HNRNPR: variants seen among roughly 807,000 people sequenced by gnomAD.
The protein encoded by HNRNPR is heterogeneous nuclear ribonucleoprotein R.
In HNRNPR, 4 loss-of-function variants were observed where a neutral mutation model predicts 70.3. That is an observed-to-expected ratio of 0.06 (90% CI 0.03 to 0.13). The LOEUF is 0.13. Among genes scored for constraint, HNRNPR ranks in the 10% least tolerant of loss-of-function variants. The pLI is 1.00. For missense variants in HNRNPR, 423 were observed against 788.5 expected (o/e 0.54, Z 5.55); for synonymous variants, 241 against 267.6 (o/e 0.90, Z 0.97).
Position 23,337,700 on chromosome 1 carries a change from T to A in HNRNPR, c.384+54A>T, listed in dbSNP as rs904152632. The A allele has an allele frequency of 4.8e-6, 5 of 1,031,636 alleles. No homozygotes were observed. In the African/African-American group the frequency reaches 8.3e-5, roughly 17 times the overall value. The allele number at this position is 1,031,636 out of a possible 1,614,324, so 63.9% of individuals were successfully genotyped here. A position where few individuals can be genotyped will look rare whatever the true frequency, so the allele number is the denominator to read the frequency against. ...TTTCTAGGAAACATGGAAAGAGGCA[T>A]TTGACCTCATCATTAAATGCAATTT... On this transcript the variant is annotated intron_variant, in intron 4 of 10. Coordinates refer to ENST00000302271, the MANE Select transcript of HNRNPR (RefSeq NM_005826.5).
intron 4 of HNRNPR, among the ~76,000 whole-genome samples, 193 bp downstream of exon 4, chr1:23,337,561 G>A (rs779537123): frequency 1.3e-5 from 2 of 151,574 alleles, no homozygotes; most frequent in Non-Finnish European, 2.9e-5. Context: ...GGAGGCTGAG[G>A]CAGGAGAATG....
At chr1:23,331,089 G>T (rs1646201786) in intron 5 of HNRNPR, among the ~76,000 whole-genome samples, 2 of 152,174 alleles carry the variant, frequency 1.3e-5, no homozygotes, top group Non-Finnish European at 2.9e-5. Flanking sequence ...TTGCTTGACA[G>T]GAGTGGTTTT....
At chr1:23,328,453 C>T (rs1646085003) in intron 5 of HNRNPR, among the ~76,000 whole-genome samples, 1 of 152,124 alleles carries the variant, frequency 6.6e-6, no homozygotes, top group Non-Finnish European at 1.5e-5. Flanking sequence ...ATACTGGATT[C>T]AAATCTACAT....
intron 5 of HNRNPR, 85 bp from the exon 6 acceptor site, chr1:23,323,817 G>T: frequency 9.8e-7 from 1 of 1,024,434 alleles, no homozygotes; most frequent in Non-Finnish European, 1.5e-6. Flanking sequence ...TTTTAAAGAT[G>T]GGGGCAGAAG....
rs1454333417 is a variant in HNRNPR at position 23,308,390 on chromosome 1, A to G, written c.*2064T>C. ...CTAATTAAGAAATACAAACAACTCA[A>G]ATTTTATTTGTAGATTTTGTTCTTT... On this transcript the variant is annotated 3_prime_UTR_variant, in exon 11 of 11. Transcript: ENST00000302271. 6.6e-6 allele frequency: 1 copy of G among 152,024 alleles called. No individual in the cohort carries two copies. The highest frequency in any genetic ancestry group is 1.5e-5 in the Non-Finnish European group (1 of 67,898). 9.4% of individuals were successfully genotyped at this position (152,024 alleles called of 1,614,324 possible). A position where few individuals can be genotyped will look rare whatever the true frequency, so the allele number is the denominator to read the frequency against.
At chr1:23,341,414 G>A (rs956484579) in intron 1 of HNRNPR, among the ~76,000 whole-genome samples, 1 of 152,144 alleles carries the variant, frequency 6.6e-6, no homozygotes, top group Non-Finnish European at 1.5e-5. Flanking sequence ...AAAACAGAAT[G>A]AACACCCACA....
At chr1:23,343,341 T>C (rs866236913) in intron 1 of HNRNPR, among the ~76,000 whole-genome samples, 1 of 152,154 alleles carries the variant, frequency 6.6e-6, no homozygotes, top group Non-Finnish European at 1.5e-5. Flanking sequence ...GAAATGAGAC[T>C]AACGGTTATC....
rs756735406 is a variant in HNRNPR, at chr1:23,333,484, G to C, written c.498+34C>G. 62 of 1,367,192 alleles carry C rather than the reference G, an allele frequency of 4.5e-5. No homozygotes were observed. The East Asian group carries it at 1.4e-3, about 30-fold the overall frequency. 84.7% of individuals were successfully genotyped at this position (1,367,192 alleles called of 1,614,324 possible). On this transcript the variant is annotated intron_variant, in intron 5 of 10. Transcript: ENST00000302271. ...AGTAGATAAAACACTTTCCAAACTG[G>C]AAAGATCTTGGTAAACTGCTAAAGA...
chr1:23,334,923 GT>G (rs922757473), intron 4 of HNRNPR, among the ~76,000 whole-genome samples: 53 of 145,302 alleles, frequency 3.6e-4, no homozygotes, highest in East Asian at 1.0e-3. Context: ...AGTTTTTTTG[GT>G]TTTTTTTTTT....
At chr1:23,335,978 G>A (rs1471912782) in intron 4 of HNRNPR, among the ~76,000 whole-genome samples, 40 of 148,896 alleles carry the variant, frequency 2.7e-4, no homozygotes, top group South Asian at 1.1e-3. Context: ...TTAGCCGGGC[G>A]TAGTGGCGGG....
intron 9 of HNRNPR, among the ~76,000 whole-genome samples, chr1:23,312,641 T>C (rs1005261905): frequency 2.0e-5 from 3 of 152,156 alleles, no homozygotes; most frequent in African/African-American, 7.2e-5. Flanking sequence ...CTACCATCAA[T>C]GAGCAAGCCA....
At chr1:23,339,925 G>T (rs563674908) in intron 2 of HNRNPR, among the ~76,000 whole-genome samples, 26 of 151,932 alleles carry the variant, frequency 1.7e-4, no homozygotes, top group Non-Finnish European at 3.4e-4. Context: ...GTCACAGAAA[G>T]TTCCTGAGGA....
At chr1:23,342,441 G>T (rs1199950505) in intron 1 of HNRNPR, among the ~76,000 whole-genome samples, 1 of 152,164 alleles carries the variant, frequency 6.6e-6, no homozygotes, top group Admixed American at 6.5e-5. Flanking sequence ...GCCCTTAATA[G>T]ACGCAGACTG....
At chr1:23,319,172 G>A (rs145592879) in intron 7 of HNRNPR, among the ~76,000 whole-genome samples, 231 of 152,184 alleles carry the variant, frequency 1.5e-3, no homozygotes, top group African/African-American at 5.0e-3. Context: ...TTATCTCTCC[G>A]TATGTGTTCT....
At chr1:23,340,739 C>G (rs1162987638) in intron 2 of HNRNPR, 113 bp downstream of exon 2, 1 of 838,466 alleles carries the variant, frequency 1.2e-6, no homozygotes, top group Admixed American at 2.7e-5. Flanking sequence ...AACAAACATT[C>G]AGCTCTACAG....
intron 8 of HNRNPR, among the ~76,000 whole-genome samples, chr1:23,314,698 TG>T (rs1489299839): frequency 6.6e-6 from 1 of 152,220 alleles, no homozygotes; most frequent in Admixed American, 6.5e-5. Flanking sequence ...TACACTATTT[TG>T]TCAAGAATGA....
At position 23,333,604 on chromosome 1, in the gene HNRNPR, G is replaced by A; in HGVS notation, c.412C>T (p.Leu138=). The change falls in exon 5 of 11, where the codon CTG becomes TTG. Residue 138 remains leucine, a synonymous_variant. Transcript: ENST00000302271. ...TTCCTCTGTCCTGTGGTTACATCCA[G>A]AGTATAACCAGTTCTCTCAAGCAAG... ...KALLERTGYT[L]DVTTGQRKYG... 1 of 1,612,534 alleles carries A rather than the reference G, an allele frequency of 6.2e-7. No individual in the cohort carries two copies. The highest frequency in any genetic ancestry group is 8.5e-7 in the Non-Finnish European group (1 of 1,178,528).
intron 3 of HNRNPR, 66 bp from the exon 4 acceptor site, chr1:23,337,927 T>A: frequency 1.1e-6 from 1 of 929,912 alleles, no homozygotes; most frequent in Non-Finnish European, 1.7e-6. Context: ...GATACATAAT[T>A]AAATTTAAAT....
intron 5 of HNRNPR, among the ~76,000 whole-genome samples, chr1:23,332,152 G>A (rs1012156910): frequency 6.6e-6 from 1 of 152,118 alleles, no homozygotes; most frequent in South Asian, 2.1e-4. Flanking sequence ...AGGGGAGAGG[G>A]GAGGAGAAGA....
Sources: allele counts gnomAD v4.1 joint callset (sites outside exome capture counted in the v4.1 genomes callset), GRCh38; gene constraint gnomAD v4.1.1; transcripts MANE v1.5; gene names NCBI Gene and HGNC (gene_info 2026-07-23, HGNC 2026-07-21).